LARGE1: variants seen among roughly 807,000 people sequenced by gnomAD.
LARGE1 encodes the protein xylosyl- and glucuronyltransferase LARGE1.
A neutral mutation model predicts 87.6 loss-of-function variants in LARGE1; 43 were observed. That is an observed-to-expected ratio of 0.49 (90% confidence interval 0.38 to 0.63). The LOEUF is 0.63. Ranked by LOEUF, LARGE1 falls within the 30% of genes least tolerant of loss-of-function variation. The pLI, the probability that LARGE1 is intolerant of heterozygous loss-of-function variation, is 0.00. For missense variants in LARGE1, 802 were observed against 1,000.2 expected (o/e 0.80, Z 2.67); for synonymous variants, 434 against 394.6 (o/e 1.10, Z -1.18).
At chr22:33,462,924 G>A (rs542310995) in intron 6 of LARGE1, among the ~76,000 whole-genome samples, 15 of 152,268 alleles carry the variant, frequency 9.9e-5, no homozygotes, top group East Asian at 3.9e-4. Flanking sequence ...ACTTTCTAAC[G>A]TCTCACACTG....
the LARGE1 span, among the ~76,000 whole-genome samples, chr22:33,148,169 A>G: frequency 3.3e-5 from 5 of 152,184 alleles, no homozygotes; most frequent in African/African-American, 4.8e-5. Context: ...TGTCAATGCC[A>G]TGTTCTTGGA....
intron 2 of LARGE1, chr22:33,727,634 T>C (rs1392410965): frequency 6.6e-6 from 1 of 152,218 alleles, no homozygotes; most frequent in Non-Finnish European, 1.5e-5. Context: ...AATACAAATG[T>C]ATGTCTGTTT....
chr22:33,419,430 G>A (rs1056964384), intron 7 of LARGE1, among the ~76,000 whole-genome samples: 1 of 151,872 alleles, frequency 6.6e-6, no homozygotes, highest in Non-Finnish European at 1.5e-5. Context: ...AGGGAAACAC[G>A]ATCACCCAAG....
chr22:33,277,359 G>C, intron 13 of LARGE1, 104 bp from the exon 14 acceptor site: 1 of 1,107,632 alleles, frequency 9.0e-7, no homozygotes, highest in Non-Finnish European at 1.3e-6. Flanking sequence ...GTAGTCCTCG[G>C]GTGAGTTGAA....
At chr22:33,882,536 T>C (rs2064727588) in intron 1 of LARGE1, among the ~76,000 whole-genome samples, 1 of 151,992 alleles carries the variant, frequency 6.6e-6, no homozygotes, top group South Asian at 2.1e-4. Context: ...TGTTAAAGCT[T>C]AGGAAAAACA....
At chr22:33,666,263 C>T (rs897035788) in intron 2 of LARGE1, among the ~76,000 whole-genome samples, 1 of 152,140 alleles carries the variant, frequency 6.6e-6, no homozygotes, top group Admixed American at 6.5e-5. Flanking sequence ...CAAGAACAAG[C>T]GAGGCTGATA....
At chr22:33,622,263 TGAGC>T (rs1031340313) in intron 4 of LARGE1, among the ~76,000 whole-genome samples, 1 of 152,176 alleles carries the variant, frequency 6.6e-6, no homozygotes, top group Non-Finnish European at 1.5e-5. Context: ...CTCATGATAG[TGAGC>T]GAGTGAGTTC....
intron 5 of LARGE1, among the ~76,000 whole-genome samples, chr22:33,599,628 T>G (rs932846518): frequency 5.3e-5 from 8 of 152,214 alleles, no homozygotes; most frequent in Non-Finnish European, 8.8e-5. Flanking sequence ...AGTTCGTTTT[T>G]AATCATGCAC....
chr22:33,493,178 T>TTA (rs2069937207), intron 6 of LARGE1, among the ~76,000 whole-genome samples: 1 of 147,346 alleles, frequency 6.8e-6, no homozygotes, highest in Admixed American at 6.8e-5. Context: ...TTTTTTTTTT[T>TTA]GAGACATAGT....
intron 4 of LARGE1, among the ~76,000 whole-genome samples, chr22:33,619,836 G>C (rs1425471474): frequency 6.6e-6 from 1 of 152,144 alleles, no homozygotes; most frequent in African/African-American, 2.4e-5. Context: ...TACAGAGCAA[G>C]AGCTACATTT....
intron 1 of LARGE1, among the ~76,000 whole-genome samples, chr22:33,851,651 A>G (rs1411517045): frequency 6.6e-6 from 1 of 152,262 alleles, no homozygotes; most frequent in Admixed American, 6.5e-5. Flanking sequence ...GGTGGACACT[A>G]CAACAGGCAG....
At chr22:33,578,395 T>C (rs760809380) in intron 5 of LARGE1, among the ~76,000 whole-genome samples, 1 of 152,168 alleles carries the variant, frequency 6.6e-6, no homozygotes, top group Non-Finnish European at 1.5e-5. Flanking sequence ...GAGTCATTTA[T>C]CTAAACACTC....
At chr22:33,383,666 C>G (rs2065233256) in intron 8 of LARGE1, among the ~76,000 whole-genome samples, 1 of 152,176 alleles carries the variant, frequency 6.6e-6, no homozygotes, top group African/African-American at 2.4e-5. Context: ...GCAGTTTATT[C>G]TTTCTATTTA....
In LARGE1 at chr22:33,630,902, G is replaced by T. The variant is rs572027256; in HGVS notation, c.409-4576C>A. Among the ~76,000 whole-genome samples the T allele has an allele frequency of 2.2e-3, 331 of 151,610 alleles. 1 individual carries two copies. The highest frequency in any genetic ancestry group is 3.4e-3 in the Non-Finnish European group (233 of 67,926). ...GAGTCTCACTCTGTTGCCCAGGATG[G>T]AGTGCAGTGATGTGATCTCGGCTTA... On this transcript the variant is annotated intron_variant, in intron 3 of 14. Transcript: ENST00000397394.
chr22:33,903,733 G>A (rs1272153233), intron 1 of LARGE1, among the ~76,000 whole-genome samples: 4 of 152,144 alleles, frequency 2.6e-5, no homozygotes, highest in Non-Finnish European at 5.9e-5. Context: ...GCTGAGGCAG[G>A]AGAATCACTT....
At chr22:33,885,088 G>A (rs1478179991) in intron 1 of LARGE1, among the ~76,000 whole-genome samples, 2 of 152,196 alleles carry the variant, frequency 1.3e-5, no homozygotes, top group Non-Finnish European at 2.9e-5. Flanking sequence ...TATCATCCTC[G>A]TTTTGCCCAT....
chr22:33,278,139 G>A (rs1929699658), intron 13 of LARGE1, among the ~76,000 whole-genome samples: 1 of 152,202 alleles, frequency 6.6e-6, no homozygotes, highest in Admixed American at 6.5e-5. Context: ...CCTGGGTCTG[G>A]AAGAAAGCAA....
At chr22:33,130,147 T>C in the LARGE1 span, among the ~76,000 whole-genome samples, 1 of 151,340 alleles carries the variant, frequency 6.6e-6, no homozygotes, top group Non-Finnish European at 1.5e-5. Context: ...ACCCCGTCTC[T>C]ACTAAAAATA....
At chr22:33,472,568 A>G (rs1034218899) in intron 6 of LARGE1, among the ~76,000 whole-genome samples, 2 of 152,186 alleles carry the variant, frequency 1.3e-5, no homozygotes, top group Admixed American at 1.3e-4. Flanking sequence ...GATGATCAAC[A>G]TTCTGCACTC....
Sources: gnomAD v4.1 joint callset for allele counts (sites outside exome capture counted in the v4.1 genomes callset) on GRCh38, gnomAD v4.1.1 for gene constraint, MANE v1.5 for transcripts, NCBI Gene and HGNC (gene_info 2026-07-23, HGNC 2026-07-21) for gene names.